The following PRKCQ variants were observed in gnomAD, a reference collection of about 807,000 sequenced individuals.
PRKCQ encodes protein kinase C theta, also known as protein kinase C theta type.
Under a neutral mutation model 91.2 loss-of-function variants are expected in PRKCQ, and 41 were observed. The observed-to-expected ratio is 0.45, with a 90% CI of 0.35 to 0.58. The LOEUF (loss-of-function observed/expected upper bound fraction) is 0.58. Ranked by LOEUF, PRKCQ falls within the 20% of genes least tolerant of loss-of-function variation. The pLI is 0.00. For missense variants in PRKCQ, 673 were observed against 896.5 expected (o/e 0.75, Z 3.18); for synonymous variants, 307 against 316.9 (o/e 0.97, Z 0.33).
intron 8 of PRKCQ, 32 bp downstream of exon 8, chr10:6,491,651 G>T: frequency 6.2e-7 from 1 of 1,612,454 alleles, no homozygotes; most frequent in Non-Finnish European, 8.5e-7. Flanking sequence ...GGGGGTCCAC[G>T]TCGGGCCATG....
chr10:6,435,198 T>C (rs200716852), intron 16 of PRKCQ, among the ~76,000 whole-genome samples: 2 of 152,246 alleles, frequency 1.3e-5, no homozygotes, highest in South Asian at 2.1e-4. Context: ...CAGTGGGCAA[T>C]TGTTCAGTGC....
intron 1 of PRKCQ, among the ~76,000 whole-genome samples, chr10:6,552,857 T>A (rs1002546725): frequency 6.6e-6 from 1 of 150,440 alleles, no homozygotes; most frequent in African/African-American, 2.4e-5. Context: ...CTGTCAATAT[T>A]TACCACATCA....
chr10:6,505,038 C>T (rs1293499117), intron 4 of PRKCQ, among the ~76,000 whole-genome samples: 1 of 151,986 alleles, frequency 6.6e-6, no homozygotes, highest in Non-Finnish European at 1.5e-5. Context: ...GGACTACAGG[C>T]ACACACTGCC....
At chr10:6,449,465 C>T (rs2132285038) in intron 15 of PRKCQ, among the ~76,000 whole-genome samples, 1 of 152,160 alleles carries the variant, frequency 6.6e-6, no homozygotes, top group African/African-American at 2.4e-5. Flanking sequence ...GATTGGTGTA[C>T]CTGAAAGTGA....
Position 6,576,172 on chromosome 10 carries a change from G to T in PRKCQ, c.-10+4039C>A, listed in dbSNP as rs746879478. ...GCAGTTCCTCAAAAAATTAAACATA[G>T]AATTACCCTACGACCCCACAATTCT... On this transcript the variant is annotated intron_variant, in intron 1 of 17. Coordinates refer to ENST00000263125, the MANE Select transcript of PRKCQ (RefSeq NM_006257.5). This position sits in a 1 kb window ranked among gnomAD's most constrained non-coding sequence, Gnocchi z 4.2. Among the ~76,000 whole-genome samples, 3 of 152,152 alleles carry T rather than the reference G, an allele frequency of 2.0e-5. No homozygotes were observed. Among genetic ancestry groups the T allele is most frequent in the Non-Finnish European group, 4.4e-5 (3 of 68,032 alleles).
intron 7 of PRKCQ, among the ~76,000 whole-genome samples, chr10:6,492,611 A>G (rs73607021): frequency 0.082 from 12,502 of 152,218 alleles, 734 homozygotes; most frequent in African/African-American, 0.17. Context: ...TCTCAAAATA[A>G]ATGTGAAGGC....
At chr10:6,491,559 A>G in intron 8 of PRKCQ, 124 bp downstream of exon 8, 2 of 1,335,480 alleles carry the variant, frequency 1.5e-6, no homozygotes, top group Non-Finnish European at 1.0e-6. Context: ...ACTTATGATC[A>G]TGACTTGTCT....
chr10:6,514,930 C>A, intron 2 of PRKCQ, 88 bp downstream of exon 2: 5 of 1,590,442 alleles, frequency 3.1e-6, no homozygotes, highest in Non-Finnish European at 4.3e-6. Flanking sequence ...CAGATGATGT[C>A]AAATGTCCTG....
rs1348230148 is a variant in PRKCQ at position 6,515,052 on chromosome 10, G to A, written c.84C>T (p.Tyr28=). The A allele has an allele frequency of 6.2e-7, 1 of 1,613,824 alleles. No individual in the cohort carries two copies. Among genetic ancestry groups the A allele is most frequent in the Non-Finnish European group, 8.5e-7 (1 of 1,179,950 alleles). ...QSCQGEAVNP[Y]CAVLVKEYVE... ...CATACTCTTTGACGAGCACAGCACA[G>A]TAAGGGTTAACAGCCTCGCCCTGAC... Residue 28 remains tyrosine, a synonymous_variant, in exon 2 of 18, where the codon TAC becomes TAT. Transcript: ENST00000263125.
intron 15 of PRKCQ, among the ~76,000 whole-genome samples, chr10:6,450,055 A>C (rs1489199815): frequency 2.7e-5 from 4 of 150,148 alleles, no homozygotes; most frequent in East Asian, 1.9e-4. Flanking sequence ...CTAACATCAT[A>C]ATGACAGGAT....
chr10:6,562,966 A>G (rs2130958756), intron 1 of PRKCQ, among the ~76,000 whole-genome samples: 1 of 152,122 alleles, frequency 6.6e-6, no homozygotes, highest in East Asian at 1.9e-4. Context: ...GCACTAAAAT[A>G]TTTTCTGTAG....
At chr10:6,567,722 C>A (rs1375905491) in intron 1 of PRKCQ, among the ~76,000 whole-genome samples, 1 of 152,126 alleles carries the variant, frequency 6.6e-6, no homozygotes, top group Non-Finnish European at 1.5e-5. Flanking sequence ...TATTTCTAAT[C>A]TTCTTTGAAA....
intron 1 of PRKCQ, among the ~76,000 whole-genome samples, chr10:6,538,801 T>A (rs1374255218): frequency 6.6e-6 from 1 of 152,216 alleles, no homozygotes; most frequent in African/African-American, 2.4e-5. Flanking sequence ...TTCATTTATT[T>A]ATTTTGTAGA....
At chr10:6,496,216 C>CAAAAAAAAAAAAAAAAAAAAAAAAAA (rs199934718) in intron 7 of PRKCQ, among the ~76,000 whole-genome samples, 1 of 94,232 alleles carries the variant, frequency 1.1e-5, no homozygotes, top group Non-Finnish European at 1.9e-5. Flanking sequence ...GATTCCATCT[C>CAAAAAAAAAAAAAAAAAAAAAAAAAA]AAAAAAAAAA....
the PRKCQ span, among the ~76,000 whole-genome samples, chr10:6,407,001 C>CG: frequency 1.3e-5 from 2 of 152,126 alleles, no homozygotes; most frequent in Non-Finnish European, 2.9e-5. The surrounding 1 kb of genome is among the most constrained non-coding windows in gnomAD (Gnocchi z 4.0). Flanking sequence ...TGTATTTCCT[C>CG]GGGGGTAAAG....
chr10:6,399,438 G>T, the PRKCQ span, among the ~76,000 whole-genome samples: 34 of 152,072 alleles, frequency 2.2e-4, no homozygotes, highest in Non-Finnish European at 3.7e-4. Context: ...ACATCCACCC[G>T]GCTGAGCCCA....
chr10:6,438,940 C>T (rs1352872332), intron 16 of PRKCQ, among the ~76,000 whole-genome samples: 1 of 152,242 alleles, frequency 6.6e-6, no homozygotes, highest in African/African-American at 2.4e-5. Context: ...GTCTCTTTGA[C>T]CCAAATATTT....
intron 14 of PRKCQ, among the ~76,000 whole-genome samples, chr10:6,459,552 C>CT (rs1206466248): frequency 1.3e-5 from 2 of 152,220 alleles, no homozygotes; most frequent in East Asian, 1.9e-4. Flanking sequence ...GAAAAAGGGT[C>CT]TTTTTTTCCA....
At chr10:6,488,675 C>T (rs913395847) in intron 8 of PRKCQ, among the ~76,000 whole-genome samples, 11 of 152,296 alleles carry the variant, frequency 7.2e-5, no homozygotes, top group East Asian at 1.9e-4. Flanking sequence ...TGAGCCACCG[C>T]GCCCGGTCAA....
Sources: gnomAD v4.1 joint callset for allele counts (sites outside exome capture counted in the v4.1 genomes callset) on GRCh38, gnomAD v4.1.1 for gene constraint, Gnocchi (gnomAD v3.1) non-coding constraint, MANE v1.5 for transcripts, NCBI Gene and HGNC (gene_info 2026-07-23, HGNC 2026-07-21) for gene names.